VPS35L: variants seen among roughly 807,000 people sequenced by gnomAD.
VPS35L encodes the protein VPS35 endosomal protein sorting factor like, also known as VPS35 endosomal protein-sorting factor-like.
VPS35L carries 83 observed loss-of-function variants against 133.0 expected under a neutral mutation model. The ratio of observed to expected loss-of-function variants is 0.62; its 90% confidence interval spans 0.52 to 0.75. VPS35L has a LOEUF of 0.75. Ranked by LOEUF, VPS35L falls within the 30% of genes least tolerant of loss-of-function variation. VPS35L has a pLI of 0.00. For missense variants in VPS35L, 1,083 were observed against 1,206.8 expected (o/e 0.90, Z 1.52); for synonymous variants, 423 against 449.9 (o/e 0.94, Z 0.76).
At chr16:19,576,149 G>A (rs1478012625) in intron 5 of VPS35L, among the ~76,000 whole-genome samples, 1 of 142,454 alleles carries the variant, frequency 7.0e-6, no homozygotes, top group Non-Finnish European at 1.5e-5. Context: ...CTGGGTGACA[G>A]AGCGAGACTC....
intron 2 of VPS35L, among the ~76,000 whole-genome samples, chr16:19,566,195 A>G (rs1184844941): frequency 6.6e-6 from 1 of 152,068 alleles, no homozygotes; most frequent in Admixed American, 6.6e-5. Context: ...CCCGTTCCCC[A>G]TGTTAAAAGA....
chr16:19,685,108 T>C (rs1197955429), intron 28 of VPS35L, among the ~76,000 whole-genome samples: 2 of 149,916 alleles, frequency 1.3e-5, no homozygotes, highest in Admixed American at 1.3e-4. Context: ...ATATATGCAA[T>C]AAACTATAGA....
At chr16:19,605,970 A>G (rs1972525908) in intron 9 of VPS35L, among the ~76,000 whole-genome samples, 1 of 152,250 alleles carries the variant, frequency 6.6e-6, no homozygotes, top group African/African-American at 2.4e-5. Context: ...TGTTGAGCAC[A>G]TGAAGTAAAG....
intron 28 of VPS35L, among the ~76,000 whole-genome samples, chr16:19,687,231 C>G (rs886462149): frequency 6.6e-6 from 1 of 152,184 alleles, no homozygotes; most frequent in African/African-American, 2.4e-5. Context: ...TGGACCTTCC[C>G]TCTTCTCCAT....
intron 12 of VPS35L, among the ~76,000 whole-genome samples, chr16:19,611,411 TTA>T (rs1972717058): frequency 6.6e-6 from 1 of 152,154 alleles, no homozygotes; most frequent in Non-Finnish European, 1.5e-5. Context: ...TTGCACATCC[TTA>T]GAGAGGGATC....
chr16:19,631,804 G>A (rs181931923), intron 18 of VPS35L, among the ~76,000 whole-genome samples: 1 of 152,276 alleles, frequency 6.6e-6, no homozygotes, highest in East Asian at 1.9e-4. Context: ...GACCTCCTGA[G>A]CTCAGGCAAT....
chr16:19,658,086 G>A (rs1413703645), intron 26 of VPS35L, among the ~76,000 whole-genome samples: 1 of 152,198 alleles, frequency 6.6e-6, no homozygotes, highest in East Asian at 1.9e-4. Flanking sequence ...AAAAGGGCAC[G>A]GGCAAGTCTC....
At chr16:19,615,376 G>A (rs1337695346) in intron 12 of VPS35L, among the ~76,000 whole-genome samples, 6 of 152,178 alleles carry the variant, frequency 3.9e-5, no homozygotes, top group Admixed American at 6.5e-5. Context: ...CAGGCTGGGC[G>A]TGGTGGCTCA....
chr16:19,602,101 G>A (rs1813346466), intron 9 of VPS35L, among the ~76,000 whole-genome samples: 1 of 152,136 alleles, frequency 6.6e-6, no homozygotes, highest in African/African-American at 2.4e-5. Context: ...AAAGAATGAT[G>A]TCAAATAGAT....
In VPS35L at chr16:19,633,675, C is replaced by G. The variant is rs1973529736; in HGVS notation, c.1635+503C>G. Among the ~76,000 whole-genome samples, 1 of 152,006 alleles carries G rather than the reference C, an allele frequency of 6.6e-6. No individual in the cohort carries two copies. Among genetic ancestry groups the G allele is most frequent in the Non-Finnish European group, 1.5e-5 (1 of 68,020 alleles). ...CTTATTGGAAAGTTAAAAGAAAGCTCAAAGAATTCCTATTATTCTTTAACC... is the reference window on the plus strand; with the variant it reads ...CTTATTGGAAAGTTAAAAGAAAGCTGAAAGAATTCCTATTATTCTTTAACC... On this transcript the variant is annotated intron_variant, in intron 19 of 30. Coordinates refer to ENST00000417362, the MANE Select transcript of VPS35L (RefSeq NM_020314.7). This position sits in a 1 kb window ranked among gnomAD's most constrained non-coding sequence, Gnocchi z 4.1.
At chr16:19,642,671 G>A (rs553613224) in intron 22 of VPS35L, among the ~76,000 whole-genome samples, 195 bp downstream of exon 22, 4 of 152,318 alleles carry the variant, frequency 2.6e-5, no homozygotes, top group East Asian at 1.9e-4. Flanking sequence ...AGAAAGCGAC[G>A]TGGCAGATGT....
intron 7 of VPS35L, among the ~76,000 whole-genome samples, chr16:19,585,322 T>C (rs893139910): frequency 5.3e-5 from 8 of 152,188 alleles, no homozygotes; most frequent in Non-Finnish European, 1.0e-4. Flanking sequence ...TCCAGATGGC[T>C]GCACCATTTA....
chr16:19,582,281 G>A (rs72767557), intron 7 of VPS35L, among the ~76,000 whole-genome samples: 4,248 of 152,238 alleles, frequency 0.028, 80 homozygotes, highest in Non-Finnish European at 0.042. Context: ...AAGCATATTT[G>A]GAAAGGAATA....
intron 26 of VPS35L, among the ~76,000 whole-genome samples, chr16:19,658,606 A>G (rs28758411): frequency 0.13 from 20,319 of 152,036 alleles, 2,176 homozygotes; most frequent in African/African-American, 0.28. Flanking sequence ...TAGGCGACAC[A>G]TGATAAAGCT....
intron 8 of VPS35L, among the ~76,000 whole-genome samples, chr16:19,595,110 G>A (rs1488332040): frequency 2.0e-5 from 3 of 152,208 alleles, no homozygotes; most frequent in Non-Finnish European, 4.4e-5. Context: ...CAGAGATCAT[G>A]GTGGCCTTGG....
chr16:19,569,789 C>G (rs371340816), intron 3 of VPS35L, among the ~76,000 whole-genome samples, 198 bp downstream of exon 3: 1 of 152,094 alleles, frequency 6.6e-6, no homozygotes, highest in African/African-American at 2.4e-5. Context: ...CCACCTCACC[C>G]TCCTGAATAG....
intron 7 of VPS35L, among the ~76,000 whole-genome samples, chr16:19,591,101 G>C (rs1212640830): frequency 6.6e-6 from 1 of 152,136 alleles, no homozygotes; most frequent in Non-Finnish European, 1.5e-5. Context: ...AGAGTAACAT[G>C]TATTCACTGA....
intron 3 of VPS35L, 104 bp downstream of exon 3, chr16:19,569,695 G>A: frequency 8.3e-7 from 1 of 1,206,104 alleles, no homozygotes; most frequent in Non-Finnish European, 1.1e-6. Flanking sequence ...GAGAGACAGA[G>A]TCTCACTCTG....
intron 8 of VPS35L, among the ~76,000 whole-genome samples, chr16:19,593,980 T>G (rs927203040): frequency 6.6e-6 from 1 of 152,050 alleles, no homozygotes; most frequent in Non-Finnish European, 1.5e-5. Context: ...TTCTCGAGCT[T>G]CACAAGCTGT....
Sources: allele counts gnomAD v4.1 joint callset (sites outside exome capture counted in the v4.1 genomes callset), GRCh38; gene constraint gnomAD v4.1.1; non-coding constraint Gnocchi (gnomAD v3.1); transcripts MANE v1.5; gene names NCBI Gene and HGNC (gene_info 2026-07-23, HGNC 2026-07-21).